MPZL1: variants seen among roughly 807,000 people sequenced by gnomAD.
MPZL1 encodes the protein myelin protein zero like 1, also known as myelin protein zero-like protein 1.
MPZL1 carries 16 observed loss-of-function variants against 29.3 expected under a neutral mutation model. That is an observed-to-expected ratio of 0.55 (90% CI 0.37 to 0.83). The LOEUF (loss-of-function observed/expected upper bound fraction) is 0.83. Ranked by LOEUF, MPZL1 falls within the 40% of genes least tolerant of loss-of-function variation. The probability of loss-of-function intolerance (pLI) is 0.00; values close to 1 mark genes in which losing one functional copy is unlikely to be tolerated. For synonymous variants in MPZL1, 143 were observed against 132.0 expected, an observed-to-expected ratio of 1.08 and a Z score of -0.57; for missense variants, 279 against 332.9, an observed-to-expected ratio of 0.84 and a Z score of 1.26.
intron 1 of MPZL1, among the ~76,000 whole-genome samples, chr1:167,760,355 A>C (rs1032035497): frequency 7.3e-5 from 3 of 41,338 alleles, no homozygotes. Context: ...GGCGCCCGCC[A>C]CCACACCAGC....
intron 1 of MPZL1, among the ~76,000 whole-genome samples, chr1:167,759,970 C>T (rs180986998): frequency 7.7e-4 from 117 of 152,154 alleles, no homozygotes; most frequent in South Asian, 1.0e-3. Context: ...TGATGGGAAA[C>T]CCATAGAGGA....
At chr1:167,763,441 A>C (rs1025631375) in intron 1 of MPZL1, among the ~76,000 whole-genome samples, 3 of 151,326 alleles carry the variant, frequency 2.0e-5, no homozygotes, top group Non-Finnish European at 2.9e-5. Flanking sequence ...GCTTGAACCC[A>C]GGAGGCGGAG....
Position 167,790,469 on chromosome 1 carries a change from C to T in MPZL1, c.*2548C>T, listed in dbSNP as rs1175721805. On this transcript the variant is annotated 3_prime_UTR_variant, in exon 6 of 6. Coordinates refer to ENST00000359523, the MANE Select transcript of MPZL1 (RefSeq NM_003953.6). ...GCTGCTCACACTGAGATGAGCCTCT[C>T]AGGGCAGGACCTCTTCCCAAGCCCT... 6.6e-6 allele frequency: 1 copy of T among 152,286 alleles called. No individual in the cohort carries two copies. The highest frequency in any genetic ancestry group is 1.5e-5 in the Non-Finnish European group (1 of 68,092). The allele number at this position is 152,286 out of a possible 1,614,324, so 9.4% of individuals were successfully genotyped here. A position where few individuals can be genotyped will look rare whatever the true frequency, so the allele number is the denominator to read the frequency against.
chr1:167,741,887 G>C (rs1181029544), intron 1 of MPZL1, among the ~76,000 whole-genome samples: 1 of 151,994 alleles, frequency 6.6e-6, no homozygotes, highest in Non-Finnish European at 1.5e-5. Context: ...ATAAAAGTTA[G>C]CTGGGCCTGA....
At chr1:167,726,420 T>G (rs1660147100) in intron 1 of MPZL1, among the ~76,000 whole-genome samples, 1 of 152,232 alleles carries the variant, frequency 6.6e-6, no homozygotes, top group South Asian at 2.1e-4. Flanking sequence ...CTGTCTTGTT[T>G]ATAGAAGTAT....
At position 167,729,968 on chromosome 1, in the gene MPZL1, A is replaced by G. The variant is rs59677611; in HGVS notation, c.91+7726A>G. Among the ~76,000 whole-genome samples the G allele has an allele frequency of 8.2e-3, 1,247 of 152,340 alleles. 16 individuals carry two copies. Among genetic ancestry groups the G allele is most frequent in the African/African-American group, 0.029 (1,188 of 41,568 alleles). On this transcript the variant is annotated intron_variant, in intron 1 of 5. Transcript: ENST00000359523. Reference sequence around the variant, plus strand: ...AGTTGAGACTCAATTTCCAAAGCACATGTTTGCAACCACCCTGCTGTATTA... The same window carrying G: ...AGTTGAGACTCAATTTCCAAAGCACGTGTTTGCAACCACCCTGCTGTATTA...
chr1:167,762,704 C>T (rs1661014220), intron 1 of MPZL1, among the ~76,000 whole-genome samples: 1 of 152,216 alleles, frequency 6.6e-6, no homozygotes, highest in East Asian at 1.9e-4. Flanking sequence ...TTAGGCTAAA[C>T]TTGATTGAAC....
At chr1:167,761,538 G>A (rs956932755) in intron 1 of MPZL1, among the ~76,000 whole-genome samples, 2 of 152,154 alleles carry the variant, frequency 1.3e-5, no homozygotes, top group African/African-American at 4.8e-5. Context: ...CATTGCTTCT[G>A]TTTTCTCGGT....
chr1:167,772,508 G>T lies in MPZL1; in HGVS notation c.472+20G>T, dbSNP rs367925924. 1.4e-5 allele frequency: 23 copies of T among 1,592,492 alleles called. No homozygotes were observed. The highest frequency in any genetic ancestry group is 1.6e-5 in the Non-Finnish European group (19 of 1,162,550). On this transcript the variant is annotated intron_variant, in intron 3 of 5. Transcript: ENST00000359523. ...AAAAAGGTACTTCCTTGAGTATTTT[G>T]GCAGTAATAATGCAGTCTCCTTTAT...
chr1:167,754,931 C>T (rs1660836574), intron 1 of MPZL1, among the ~76,000 whole-genome samples: 1 of 152,106 alleles, frequency 6.6e-6, no homozygotes, highest in Admixed American at 6.6e-5. Flanking sequence ...TACAGATTTC[C>T]CATCTGTCTC....
At chr1:167,733,756 T>G (rs1185902957) in intron 1 of MPZL1, among the ~76,000 whole-genome samples, 1 of 146,254 alleles carries the variant, frequency 6.8e-6, no homozygotes, top group East Asian at 2.0e-4. Context: ...AAAAAAAAAA[T>G]TAGCCAGGCT....
chr1:167,761,262 C>T (rs955754450), intron 1 of MPZL1, among the ~76,000 whole-genome samples: 2 of 151,956 alleles, frequency 1.3e-5, no homozygotes, highest in Non-Finnish European at 2.9e-5. Context: ...TTTCTCTAAA[C>T]CTGGGATATA....
rs1172225259 is a variant in MPZL1, at chr1:167,790,879, T to C, written c.*2958T>C. Reference sequence around the variant, plus strand: ...GAAAAAGAGATATGCCTTTCACTCATATCATTCCAGCTACACCTGCCTTCT... The same window carrying C: ...GAAAAAGAGATATGCCTTTCACTCACATCATTCCAGCTACACCTGCCTTCT... On this transcript the variant is annotated 3_prime_UTR_variant, in exon 6 of 6. Transcript: ENST00000359523. 1.3e-5 allele frequency: 2 copies of C among 152,214 alleles called. No individual in the cohort carries two copies. Among genetic ancestry groups the C allele is most frequent in the Non-Finnish European group, 2.9e-5 (2 of 68,028 alleles). The allele number at this position is 152,214 out of a possible 1,614,324, so 9.4% of individuals were successfully genotyped here.
At chr1:167,728,984 G>A (rs1317414111) in intron 1 of MPZL1, among the ~76,000 whole-genome samples, 2 of 151,934 alleles carry the variant, frequency 1.3e-5, no homozygotes, top group Admixed American at 6.6e-5. Context: ...TGCTGTTATC[G>A]GCCGGGCATG....
chr1:167,784,483 G>A (rs758341941), intron 5 of MPZL1, among the ~76,000 whole-genome samples: 3 of 152,136 alleles, frequency 2.0e-5, no homozygotes, highest in Non-Finnish European at 4.4e-5. Flanking sequence ...TCTTAACAAT[G>A]GTAGGTTCAT....
At chr1:167,774,956 T>G (rs1236022556) in intron 4 of MPZL1, 1 of 152,220 alleles carries the variant, frequency 6.6e-6, no homozygotes, top group African/African-American at 2.4e-5. Flanking sequence ...ACAGCTATTA[T>G]GATTTGTCCA....
At position 167,787,631 on chromosome 1, in the gene MPZL1, G is replaced by T. The variant is rs75235343; in HGVS notation, c.709-189G>T. ...TGTACTTGCTTTAACTATTGTCAAC[G>T]TATGTCCAATCTTGTTTCAAAGTCA... On this transcript the variant is annotated intron_variant, in intron 5 of 5. Coordinates refer to ENST00000359523, the MANE Select transcript of MPZL1 (RefSeq NM_003953.6). Among the ~76,000 whole-genome samples the T allele has an allele frequency of 1.9e-3, 296 of 152,268 alleles. 1 individual carries two copies. The highest frequency in any genetic ancestry group is 6.9e-3 in the African/African-American group (288 of 41,538).
intron 2 of MPZL1, 56 bp downstream of exon 2, chr1:167,765,805 G>A (rs1661105011): frequency 7.0e-7 from 1 of 1,424,256 alleles, no homozygotes; most frequent in South Asian, 1.5e-5. Context: ...CTTTACTGCT[G>A]TATAATTGGT....
intron 1 of MPZL1, 125 bp from the exon 2 acceptor site, chr1:167,765,458 T>C (rs182979634): frequency 4.5e-6 from 3 of 665,016 alleles, no homozygotes; most frequent in East Asian, 6.1e-5. Context: ...GCCAGAAATA[T>C]GTAATGGCAG....
Sources: gnomAD v4.1 joint callset for allele counts (sites outside exome capture counted in the v4.1 genomes callset) on GRCh38, gnomAD v4.1.1 for gene constraint, MANE v1.5 for transcripts, NCBI Gene and HGNC (gene_info 2026-07-23, HGNC 2026-07-21) for gene names.